Variants in PSPC1 observed in about 807,000 individuals in gnomAD.
PSPC1 encodes paraspeckle protein 1.
Under a neutral mutation model 51.6 loss-of-function variants are expected in PSPC1, and 14 were observed. The ratio of observed to expected loss-of-function variants is 0.27; its 90% CI spans 0.18 to 0.42. PSPC1 has a LOEUF of 0.42. PSPC1 is among the 10% of genes least tolerant of loss of function. The pLI, the probability that PSPC1 is intolerant of heterozygous loss-of-function variation, is 1.00. For missense variants in PSPC1, 406 were observed against 701.1 expected, an observed-to-expected ratio of 0.58 and a Z score of 4.75; for synonymous variants, 193 against 231.9, an observed-to-expected ratio of 0.83 and a Z score of 1.53.
downstream of PSPC1, chr13:19,673,186 G>A (rs778037327): frequency 4.0e-5 from 18 of 447,732 alleles, no homozygotes; most frequent in Non-Finnish European, 7.1e-5. Flanking sequence ...AAACCTGGCT[G>A]TCAGCTGTGT....
At chr13:19,679,544 T>C (rs1163821788) in intron 6 of PSPC1, among the ~76,000 whole-genome samples, 1 of 152,192 alleles carries the variant, frequency 6.6e-6, no homozygotes, top group Non-Finnish European at 1.5e-5. Flanking sequence ...AGTGGTTGTG[T>C]CTATACTGAA....
rs1483806672 is a variant in PSPC1, at chr13:19,772,563, AT to A, written c.373-21del. On this transcript the variant is annotated intron_variant, in intron 1 of 8. Coordinates refer to ENST00000338910, the MANE Select transcript of PSPC1 (RefSeq NM_001354909.2). ...GGATTCCTTTTTAGGAAGAAAAAAC[AT>A]TTTTAAAAGATGACAGTAACAGAAA... is the stretch of plus-strand genomic sequence containing the variant. 1.3e-6 allele frequency: 2 copies of A among 1,562,616 alleles called. No individual in the cohort carries two copies. The highest frequency in any genetic ancestry group is 2.0e-5 in the Admixed American group (1 of 49,680).
chr13:19,767,610 C>A lies in PSPC1; in HGVS notation c.674+4632G>T, dbSNP rs148644853. Among the ~76,000 whole-genome samples the A allele has an allele frequency of 3.3e-5, 5 of 152,068 alleles. No individual in the cohort carries two copies. The East Asian group carries it at 9.6e-4, about 29-fold the overall frequency. ...TAATTAAGCAAGTACAATTTTGGAA[C>A]TGACAAACTGGTCAATGAAACAAAA... On this transcript the variant is annotated intron_variant, in intron 2 of 8. Coordinates refer to ENST00000338910, the MANE Select transcript of PSPC1 (RefSeq NM_001354909.2).
At position 19,745,204 on chromosome 13, in the gene PSPC1, G is replaced by GA. The variant is rs1885842754; in HGVS notation, c.968-3556_968-3555insT. Among the ~76,000 whole-genome samples the GA allele has an allele frequency of 2.0e-5, 3 of 152,108 alleles. No individual in the cohort carries two copies. In the South Asian group the frequency reaches 6.2e-4, roughly 31 times the overall value. ...ATGGTGGCACACGCCTGTAGTCCCA[G>GA]CTACTCAAGGAGGATGAGGCAGAAG... On this transcript the variant is annotated intron_variant, in intron 4 of 8. Transcript: ENST00000338910.
intron 6 of PSPC1, among the ~76,000 whole-genome samples, chr13:19,688,176 G>GT (rs1878146166): frequency 6.6e-6 from 1 of 151,840 alleles, no homozygotes; most frequent in African/African-American, 2.4e-5. Context: ...CCCAACTATT[G>GT]TATCTTATAT....
At chr13:19,704,598 C>T (rs1278974104) in intron 8 of PSPC1, among the ~76,000 whole-genome samples, 2 of 152,198 alleles carry the variant, frequency 1.3e-5, no homozygotes, top group African/African-American at 4.8e-5. Context: ...AAACAATTTC[C>T]CTTTCAAAAT....
intron 6 of PSPC1, among the ~76,000 whole-genome samples, chr13:19,714,553 T>G (rs978621048): frequency 6.6e-6 from 1 of 150,930 alleles, no homozygotes; most frequent in Non-Finnish European, 1.5e-5. Context: ...TGGGGTGCAA[T>G]GGCGTGATCT....
chr13:19,771,427 C>T (rs1171906389), intron 2 of PSPC1, among the ~76,000 whole-genome samples: 2 of 152,040 alleles, frequency 1.3e-5, no homozygotes, highest in East Asian at 1.9e-4. Context: ...CATAAGCCAC[C>T]GCGCCTGGCC....
chr13:19,674,569 T>G (rs527255757), downstream of PSPC1: 4 of 152,364 alleles, frequency 2.6e-5, no homozygotes, highest in Non-Finnish European at 5.9e-5. Context: ...ATACTAGTGC[T>G]GGCCAGGCTT....
At chr13:19,770,843 G>C (rs1346725899) in intron 2 of PSPC1, among the ~76,000 whole-genome samples, 1 of 151,370 alleles carries the variant, frequency 6.6e-6, no homozygotes, top group Non-Finnish European at 1.5e-5. Flanking sequence ...AGGTTACAGT[G>C]AGTCAAGATC....
chr13:19,779,395 C>A (rs1428846142), intron 1 of PSPC1, among the ~76,000 whole-genome samples: 17 of 96,204 alleles, frequency 1.8e-4, no homozygotes, highest in African/African-American at 6.7e-4. Context: ...GTCAGCCCCC[C>A]GCCCGGCCAG....
intron 6 of PSPC1, among the ~76,000 whole-genome samples, chr13:19,680,303 C>A (rs1877130882): frequency 6.6e-6 from 1 of 152,190 alleles, no homozygotes; most frequent in South Asian, 2.1e-4. Context: ...GTGTGAGCCA[C>A]CATGCCCGGC....
In PSPC1 at chr13:19,705,676, C is replaced by G; in HGVS notation, c.1372G>C (p.Asp458His). Residue 458 changes from aspartate to histidine, a missense_variant, in exon 8 of 9, where the codon GAT (aspartate) becomes CAT (histidine). By Grantham distance (81) the Asp-to-His change is moderately conservative. This residue lies in a region of PSPC1 where 34 missense variants were observed against 158.6 expected (regional missense o/e 0.21). Transcript: ENST00000338910. ...TGATACATTACCACTGCTCCATTAT[C>G]TGGCATCATTGGAGTTCCCATATTT... ...AANMGTPMMP[D>H]NGAVHNDRFP... The G allele has an allele frequency of 6.3e-7, 1 of 1,597,814 alleles. No individual in the cohort carries two copies. The highest frequency in any genetic ancestry group is 8.5e-7 in the Non-Finnish European group (1 of 1,171,256).
chr13:19,754,455 T>C (rs1339527294), intron 3 of PSPC1, among the ~76,000 whole-genome samples: 3 of 17,052 alleles, frequency 1.8e-4, no homozygotes, highest in Non-Finnish European at 3.3e-4. Context: ...ACTAACTCCT[T>C]TTTTTTTTTT....
intron 6 of PSPC1, among the ~76,000 whole-genome samples, chr13:19,696,855 A>G (rs1052509812): frequency 5.3e-5 from 8 of 152,336 alleles, no homozygotes; most frequent in Admixed American, 1.3e-4. Context: ...CAAAATCTTC[A>G]AAGTACACTT....
At chr13:19,692,447 G>A (rs1021232045) in intron 6 of PSPC1, among the ~76,000 whole-genome samples, 2 of 152,140 alleles carry the variant, frequency 1.3e-5, no homozygotes, top group Non-Finnish European at 2.9e-5. Flanking sequence ...GCATTTTGTG[G>A]AGAATAAGTT....
intron 1 of PSPC1, among the ~76,000 whole-genome samples, chr13:19,774,893 G>C (rs1184736691): frequency 6.6e-6 from 1 of 151,510 alleles, no homozygotes; most frequent in Non-Finnish European, 1.5e-5. Context: ...AAAATTGACA[G>C]GCAGGGTAAG....
intron 7 of PSPC1, among the ~76,000 whole-genome samples, chr13:19,706,754 C>A (rs189481015): frequency 5.3e-5 from 8 of 152,160 alleles, no homozygotes; most frequent in Admixed American, 4.6e-4. Flanking sequence ...TTAGAGTTTT[C>A]TTCTAGTATT....
chr13:19,721,609 C>T (rs921871926), intron 6 of PSPC1, among the ~76,000 whole-genome samples: 8 of 152,154 alleles, frequency 5.3e-5, no homozygotes, highest in Admixed American at 1.3e-4. Flanking sequence ...ATTCTCAGAA[C>T]GTTTGAGCTG....
Sources: allele counts gnomAD v4.1 joint callset (sites outside exome capture counted in the v4.1 genomes callset), GRCh38; gene constraint gnomAD v4.1.1; regional missense constraint gnomAD v4.1.1; transcripts MANE v1.5; gene names NCBI Gene and HGNC (gene_info 2026-07-23, HGNC 2026-07-21).